The following IL5RA variants were observed in gnomAD, a reference collection of about 807,000 sequenced individuals.
IL5RA encodes the protein interleukin 5 receptor subunit alpha, also known as interleukin-5 receptor subunit alpha.
In IL5RA, 49 loss-of-function variants were observed where a neutral mutation model predicts 50.0. That is an observed-to-expected ratio of 0.98 (90% CI 0.78 to 1.24). The LOEUF is 1.24. Among genes scored for constraint, IL5RA ranks in the 50% most tolerant of loss-of-function variants. The pLI is 0.00. For synonymous variants in IL5RA, 202 were observed against 174.0 expected, an observed-to-expected ratio of 1.16 and a Z score of -1.26; for missense variants, 600 against 500.4, an observed-to-expected ratio of 1.20 and a Z score of -1.90.
chr3:3,093,260 T>G (rs1301202624), intron 8 of IL5RA, among the ~76,000 whole-genome samples: 4 of 152,222 alleles, frequency 2.6e-5, no homozygotes, highest in African/African-American at 9.7e-5. Flanking sequence ...ACTTGCCACT[T>G]GACTGAAAGA....
At chr3:3,073,623 T>C (rs1288902774) in intron 11 of IL5RA, 1 of 302,216 alleles carries the variant, frequency 3.3e-6, no homozygotes, top group Non-Finnish European at 6.5e-6. Flanking sequence ...AATCATACAC[T>C]GAAAAATCAC....
chr3:3,070,575 C>CTTTTTT (rs71058670), intron 11 of IL5RA, among the ~76,000 whole-genome samples: 1,009 of 84,898 alleles, frequency 0.012, 137 homozygotes, highest in African/African-American at 0.037. Context: ...GGATACACAT[C>CTTTTTT]TTTTTTTTTT....
Position 3,108,562 on chromosome 3 carries a change from G to A in IL5RA, c.-16C>T, listed in dbSNP as rs558125945. On this transcript the variant is annotated 5_prime_UTR_variant, in exon 2 of 12. Transcript: ENST00000446632. ...CTCCTGGGCGTACCTGTCTACAGAC[G>A]ATCCTCTTGTTCCGACCAGTACTCA... The A allele has an allele frequency of 6.6e-6, 1 of 152,338 alleles. No individual in the cohort carries two copies. The highest frequency in any genetic ancestry group is 2.4e-5 in the African/African-American group (1 of 41,572). The allele number at this position is 152,338 out of a possible 1,614,324, so 9.4% of individuals were successfully genotyped here.
At chr3:3,103,005 G>T (rs1431603540) in intron 3 of IL5RA, 185 bp from the exon 4 acceptor site, 6 of 480,980 alleles carry the variant, frequency 1.2e-5, no homozygotes, top group Non-Finnish European at 2.2e-5. Flanking sequence ...TACCCGAGTA[G>T]CTGGGACTAC....
At chr3:3,080,614 GC>G (rs1422087393) in intron 9 of IL5RA, among the ~76,000 whole-genome samples, 1 of 152,198 alleles carries the variant, frequency 6.6e-6, no homozygotes, top group Non-Finnish European at 1.5e-5. Flanking sequence ...AAAGGTGGCT[GC>G]TTTGCAAACT....
chr3:3,074,530 A>G (rs1463865726), intron 11 of IL5RA, among the ~76,000 whole-genome samples: 5 of 152,194 alleles, frequency 3.3e-5, no homozygotes, highest in Non-Finnish European at 7.4e-5. Context: ...GCTACTTGGG[A>G]GGCTGAGGTG....
At position 3,094,938 on chromosome 3, in the gene IL5RA, G is replaced by A. The variant is rs1703287068; in HGVS notation, c.855+361C>T. On this transcript the variant is annotated intron_variant, in intron 8 of 11. Transcript: ENST00000446632. ...GATGGGGTTTCACCATGTTGGCCAG[G>A]CTGGTCTTGAACTCCTGGTCTCAGG... is the stretch of plus-strand genomic sequence containing the variant. 2.0e-5 allele frequency among the ~76,000 whole-genome samples: 3 copies of A among 152,274 alleles called. No individual in the cohort carries two copies. In the South Asian group the frequency reaches 6.2e-4, roughly 32 times the overall value.
At position 3,070,173 on chromosome 3, in the gene IL5RA, C is replaced by T; in HGVS notation, c.*52G>A. 2 of 1,169,274 alleles carry T rather than the reference C, an allele frequency of 1.7e-6. No individual in the cohort carries two copies. The allele number at this position is 1,169,274 out of a possible 1,614,324, so 72.4% of individuals were successfully genotyped here. On this transcript the variant is annotated 3_prime_UTR_variant, in exon 12 of 12. Coordinates refer to ENST00000446632, the MANE Select transcript of IL5RA (RefSeq NM_175726.4). ...CAAGAGCCAGCATCCCTGTTCTTTT[C>T]ACTGAGGCACTGAGGCATGTGTGAG...
chr3:3,081,692 C>A lies in IL5RA; in HGVS notation c.995-5065G>T, dbSNP rs17879810. Among the ~76,000 whole-genome samples, 4 of 152,190 alleles carry A rather than the reference C, an allele frequency of 2.6e-5. No homozygotes were observed. The South Asian group carries it at 8.3e-4, about 32-fold the overall frequency. On this transcript the variant is annotated intron_variant, in intron 9 of 11. Coordinates refer to ENST00000446632, the MANE Select transcript of IL5RA (RefSeq NM_175726.4). Reference sequence around the variant, plus strand: ...CACTCTCAAGTTATTCACTTCAGCCCTCACTTTGATAAGCGAAGATTCTCA... The same window carrying A: ...CACTCTCAAGTTATTCACTTCAGCCATCACTTTGATAAGCGAAGATTCTCA...
At chr3:3,109,880 T>C (rs1035153471) in intron 1 of IL5RA, 65 bp downstream of exon 1, 4 of 152,174 alleles carry the variant, frequency 2.6e-5, no homozygotes, top group African/African-American at 9.7e-5. Context: ...TTACAGCCCA[T>C]GTCATAGAAA....
intron 9 of IL5RA, among the ~76,000 whole-genome samples, chr3:3,086,714 T>A (rs766609858): frequency 5.3e-5 from 8 of 152,180 alleles, no homozygotes. Context: ...TTTAGTTTTT[T>A]GAGAAATCTT....
At chr3:3,084,544 G>C (rs550075601) in intron 9 of IL5RA, among the ~76,000 whole-genome samples, 1 of 152,350 alleles carries the variant, frequency 6.6e-6, no homozygotes, top group South Asian at 2.1e-4. Context: ...ATTCCCAATG[G>C]CTTGTCTGGA....
chr3:3,091,638 A>G (rs1240635395), intron 9 of IL5RA, among the ~76,000 whole-genome samples: 1 of 152,210 alleles, frequency 6.6e-6, no homozygotes, highest in Non-Finnish European at 1.5e-5. Context: ...AGGCTGAGAC[A>G]GGAGAATCGC....
chr3:3,072,736 AC>A (rs1332608085), intron 11 of IL5RA, among the ~76,000 whole-genome samples: 2 of 152,168 alleles, frequency 1.3e-5, no homozygotes, highest in African/African-American at 4.8e-5. Flanking sequence ...ACATGGCGTA[AC>A]CCTGTCTCTA....
rs1559856794 is a variant in IL5RA, at chr3:3,068,614, A to AAAAAAAAAAAAAAAAAAG, written c.*1610_*1611insCTTTTTTTTTTTTTTTTT. On this transcript the variant is annotated 3_prime_UTR_variant, in exon 12 of 12. Transcript: ENST00000446632. Reference sequence around the variant, plus strand: ...AAAAAAAAAAAAAAAAAAAACAAAAACAGGTTTGAGATTATGAATCATTTG... The same window carrying AAAAAAAAAAAAAAAAAAG: ...AAAAAAAAAAAAAAAAAAAACAAAAAAAAAAAAAAAAAAAAAAGCAGGTTTGAGATTATGAATCATTTG... 2 of 135,684 alleles carry AAAAAAAAAAAAAAAAAAG rather than the reference A, an allele frequency of 1.5e-5. No homozygotes were observed. Among genetic ancestry groups the AAAAAAAAAAAAAAAAAAG allele is most frequent in the African/African-American group, 5.4e-5 (2 of 37,112 alleles). The allele number at this position is 135,684 out of a possible 1,614,324, so 8.4% of individuals were successfully genotyped here.
rs1252740749 is a variant in IL5RA at position 3,097,882 on chromosome 3, G to T, written c.697C>A (p.Leu233Ile). The change falls in exon 7 of 12, where the codon CTT becomes ATT. Residue 233 changes from leucine to isoleucine, a missense_variant. Transcript: ENST00000446632. Reference protein sequence around the residue: ...AIRPFDQLFALHAIDQINPPL... With the variant: ...AIRPFDQLFAIHAIDQINPPL... ...AAGTCGGTCTTACCAATGGCGTGAA[G>T]GGCAAACAGCTGATCAAAGGGCCTG... is the stretch of plus-strand genomic sequence containing the variant. 1 of 1,613,240 alleles carries T rather than the reference G, an allele frequency of 6.2e-7. No individual in the cohort carries two copies. The highest frequency in any genetic ancestry group is 1.3e-5 in the African/African-American group (1 of 74,934).
At chr3:3,085,092 C>A (rs1345654489) in intron 9 of IL5RA, among the ~76,000 whole-genome samples, 4 of 152,238 alleles carry the variant, frequency 2.6e-5, no homozygotes, top group African/African-American at 7.2e-5. Context: ...AGTCCGCCCC[C>A]CCTGGTGGGA....
At chr3:3,100,179 GGA>G (rs1482243344) in intron 5 of IL5RA, among the ~76,000 whole-genome samples, 17 of 52,926 alleles carry the variant, frequency 3.2e-4, no homozygotes, top group Admixed American at 2.9e-3. Flanking sequence ...CATTCAAGTG[GGA>G]GCCTTGAGAG....
intron 2 of IL5RA, among the ~76,000 whole-genome samples, chr3:3,107,175 C>A (rs746712208): frequency 6.6e-6 from 1 of 151,786 alleles, no homozygotes; most frequent in South Asian, 2.1e-4. Flanking sequence ...AAAAGAGGTG[C>A]TTTTGAACAA....
Sources: gnomAD v4.1 joint callset for allele counts (sites outside exome capture counted in the v4.1 genomes callset) on GRCh38, gnomAD v4.1.1 for gene constraint, MANE v1.5 for transcripts, NCBI Gene and HGNC (gene_info 2026-07-23, HGNC 2026-07-21) for gene names.